Variants in XRCC4 observed in about 807,000 individuals in gnomAD.
XRCC4 encodes the protein DNA repair protein XRCC4.
XRCC4 carries 28 observed loss-of-function variants against 39.1 expected under a neutral mutation model. That is an observed-to-expected ratio of 0.72 (90% CI 0.53 to 0.98). The LOEUF is 0.98. Among genes scored for constraint, XRCC4 ranks in the 50% least tolerant of loss-of-function variants. XRCC4 has a pLI of 0.00. For missense variants in XRCC4, 350 were observed against 376.4 expected, an observed-to-expected ratio of 0.93 and a Z score of 0.58; for synonymous variants, 123 against 126.4, an observed-to-expected ratio of 0.97 and a Z score of 0.18.
chr5:83,090,335 TG>T (rs1265211179), intron 1 of XRCC4, among the ~76,000 whole-genome samples: 2 of 114,396 alleles, frequency 1.7e-5, no homozygotes, highest in Non-Finnish European at 3.7e-5. Flanking sequence ...TTTTATAAGG[TG>T]GTGGGGTTGG....
intron 3 of XRCC4, among the ~76,000 whole-genome samples, chr5:83,195,266 CT>C (rs1750890911): frequency 6.6e-6 from 1 of 152,090 alleles, no homozygotes; most frequent in African/African-American, 2.4e-5. Context: ...AAATTATTGT[CT>C]TTAGATAAAA....
At chr5:83,283,864 C>T (rs1754638028) in intron 7 of XRCC4, among the ~76,000 whole-genome samples, 1 of 151,900 alleles carries the variant, frequency 6.6e-6, no homozygotes, top group African/African-American at 2.4e-5. Flanking sequence ...ATATTTTCTA[C>T]ATATGTATGT....
chr5:83,166,541 G>A (rs769035144), intron 3 of XRCC4, among the ~76,000 whole-genome samples: 14 of 150,748 alleles, frequency 9.3e-5, no homozygotes, highest in African/African-American at 2.0e-4. Context: ...TCAGCTCACT[G>A]CAGCCTCCAC....
At chr5:83,173,555 C>G (rs887202926) in intron 3 of XRCC4, among the ~76,000 whole-genome samples, 1 of 151,970 alleles carries the variant, frequency 6.6e-6, no homozygotes, top group East Asian at 1.9e-4. Context: ...TTTCTAAAAT[C>G]ATAAAGAAGA....
chr5:83,330,642 T>G (rs1429146967), intron 7 of XRCC4, among the ~76,000 whole-genome samples: 1 of 151,994 alleles, frequency 6.6e-6, no homozygotes, highest in Non-Finnish European at 1.5e-5. Flanking sequence ...TTGGTAATTT[T>G]GGGTTCTTAG....
chr5:83,081,445 A>G (rs1486726216), intron 1 of XRCC4, among the ~76,000 whole-genome samples: 1 of 152,058 alleles, frequency 6.6e-6, no homozygotes, highest in Non-Finnish European at 1.5e-5. Context: ...TGGCTTTTCA[A>G]TTCAGACTGA....
At chr5:83,103,559 C>T (rs983945814) in intron 1 of XRCC4, among the ~76,000 whole-genome samples, 1 of 152,146 alleles carries the variant, frequency 6.6e-6, no homozygotes, top group Non-Finnish European at 1.5e-5. Context: ...AACAATTTTA[C>T]TCTTAGGTAT....
chr5:83,307,812 C>CATAAATGT (rs1755540925), intron 7 of XRCC4, among the ~76,000 whole-genome samples: 1 of 152,186 alleles, frequency 6.6e-6, no homozygotes, highest in African/African-American at 2.4e-5. Context: ...TTTATGTATA[C>CATAAATGT]ACCTGTTTAC....
downstream of XRCC4, among the ~76,000 whole-genome samples, chr5:83,356,929 G>GA (rs1033839135): frequency 1.3e-4 from 20 of 151,186 alleles, no homozygotes; most frequent in Admixed American, 2.0e-4. Context: ...GTTAATGAAA[G>GA]AAAAAAAAAT....
rs28360248 is a variant in XRCC4, at chr5:83,267,785, G to A, written c.893+9108G>A. Among the ~76,000 whole-genome samples the A allele has an allele frequency of 4.6e-3, 696 of 152,214 alleles. 2 individuals are homozygous for A. Among genetic ancestry groups the A allele is most frequent in the African/African-American group, 0.016 (665 of 41,528 alleles). Reference sequence around the variant, plus strand: ...CTCTTTGTTAGAGAAATCTGGGATAGTCCCTTACTAAAAAGAAGGGCTATC... The same window carrying A: ...CTCTTTGTTAGAGAAATCTGGGATAATCCCTTACTAAAAAGAAGGGCTATC... On this transcript the variant is annotated intron_variant, in intron 7 of 7. Transcript: ENST00000396027.
intron 6 of XRCC4, among the ~76,000 whole-genome samples, chr5:83,247,180 A>G (rs1205260038): frequency 3.9e-5 from 6 of 152,222 alleles, no homozygotes; most frequent in Non-Finnish European, 7.3e-5. Context: ...ATGAACAAGT[A>G]TGCATAATTC....
intron 3 of XRCC4, among the ~76,000 whole-genome samples, chr5:83,134,877 C>T (rs950431950): frequency 6.6e-6 from 1 of 152,074 alleles, no homozygotes; most frequent in Non-Finnish European, 1.5e-5. Flanking sequence ...GGACACGCCA[C>T]CTTGAAGAGC....
At chr5:83,132,615 C>G (rs1747656578) in intron 3 of XRCC4, among the ~76,000 whole-genome samples, 1 of 152,058 alleles carries the variant, frequency 6.6e-6, no homozygotes, top group African/African-American at 2.4e-5. Context: ...TCTCTTCTCA[C>G]TTCATTTCAT....
intron 6 of XRCC4, among the ~76,000 whole-genome samples, chr5:83,221,385 T>A (rs912675277): frequency 6.6e-6 from 1 of 152,092 alleles, no homozygotes; most frequent in African/African-American, 2.4e-5. Flanking sequence ...AGCTGTCTAG[T>A]AATTTGTAGA....
rs531037908 is a variant in XRCC4, at chr5:83,212,433, A to G, written c.745+7512A>G. ...TTCCTAGGAATGAAGAGCAAAAAAG[A>G]TGGAAGAGAAATGAACAGATCTTCA... On this transcript the variant is annotated intron_variant, in intron 6 of 7. Transcript: ENST00000396027. 9.3e-4 allele frequency among the ~76,000 whole-genome samples: 141 copies of G among 152,302 alleles called. 1 individual carries two copies. The highest frequency in any genetic ancestry group is 3.2e-3 in the African/African-American group (131 of 41,574).
chr5:83,238,270 A>C (rs561619503), intron 6 of XRCC4, among the ~76,000 whole-genome samples: 1 of 152,324 alleles, frequency 6.6e-6, no homozygotes, highest in East Asian at 1.9e-4. Flanking sequence ...CCTATGTCAC[A>C]AGATAATGTA....
chr5:83,162,193 AAAAAT>A (rs749060515), intron 3 of XRCC4, among the ~76,000 whole-genome samples: 3 of 152,194 alleles, frequency 2.0e-5, no homozygotes, highest in Non-Finnish European at 4.4e-5. Flanking sequence ...ATTAGTTTTA[AAAAAT>A]AAAATAAAAT....
At chr5:83,367,156 A>G in the XRCC4 span, among the ~76,000 whole-genome samples, 1 of 152,082 alleles carries the variant, frequency 6.6e-6, no homozygotes, top group African/African-American at 2.4e-5. Context: ...TATCATGATG[A>G]TTACAAGAGC....
chr5:83,167,673 A>G (rs1749544197), intron 3 of XRCC4, among the ~76,000 whole-genome samples: 1 of 152,188 alleles, frequency 6.6e-6, no homozygotes, highest in Non-Finnish European at 1.5e-5. Flanking sequence ...GTTTGAATGG[A>G]GTCAGAATTT....
Sources: gnomAD v4.1 joint callset for allele counts (sites outside exome capture counted in the v4.1 genomes callset) on GRCh38, gnomAD v4.1.1 for gene constraint, MANE v1.5 for transcripts, NCBI Gene and HGNC (gene_info 2026-07-23, HGNC 2026-07-21) for gene names.